The following TENM3 variants were observed in gnomAD, a reference collection of about 807,000 sequenced individuals.
TENM3 encodes the protein teneurin transmembrane protein 3.
TENM3 carries 63 observed loss-of-function variants against 255.1 expected under a neutral mutation model. The observed-to-expected ratio is 0.25, with a 90% CI of 0.20 to 0.30. The LOEUF (loss-of-function observed/expected upper bound fraction) is 0.30, where lower values mean the gene tolerates loss of function less well. TENM3 is among the 10% of genes least tolerant of loss of function. The pLI is 1.00. For synonymous variants in TENM3, 1,306 were observed against 1,322.3 expected (o/e 0.99, Z 0.27); for missense variants, 2,929 against 3,461.1 (o/e 0.85, Z 3.86).
the TENM3 span, among the ~76,000 whole-genome samples, chr4:181,494,179 A>G: frequency 6.6e-6 from 1 of 152,202 alleles, no homozygotes; most frequent in Admixed American, 6.5e-5. Flanking sequence ...AATATTTGCT[A>G]CTAATGACTT....
chr4:182,298,410 G>C (rs180851133), intron 1 of TENM3, among the ~76,000 whole-genome samples: 2 of 152,306 alleles, frequency 1.3e-5, no homozygotes, highest in Admixed American at 1.3e-4. Context: ...AATACAAAGA[G>C]TTGAACTGTT....
At chr4:182,392,041 T>C (rs965285388) in intron 3 of TENM3, among the ~76,000 whole-genome samples, 1 of 152,222 alleles carries the variant, frequency 6.6e-6, no homozygotes, top group Non-Finnish European at 1.5e-5. Flanking sequence ...TTTAGTTAAC[T>C]TTACTTATAA....
rs1289744680 is a variant in TENM3, at chr4:182,594,683, G to GGAGT, written c.512-6240_512-6239insAGTG. Among the ~76,000 whole-genome samples, 18 of 138,252 alleles carry GGAGT rather than the reference G, an allele frequency of 1.3e-4. 1 individual carries two copies. The highest frequency in any genetic ancestry group is 4.9e-4 in the South Asian group (2 of 4,098). The allele number at this position is 138,252 out of a possible 152,430, so 90.7% of individuals were successfully genotyped here. A position where few individuals can be genotyped will look rare whatever the true frequency, so the allele number is the denominator to read the frequency against. ...TTATTTCTTCCCTGTTTTTTGTTTT[G>GGAGT]GTGTGTGTGTGTGTGTGTGTGTGTG... On this transcript the variant is annotated intron_variant, in intron 3 of 27. Coordinates refer to ENST00000511685, the MANE Select transcript of TENM3 (RefSeq NM_001080477.4).
At chr4:182,469,988 G>A (rs2151444512) in intron 3 of TENM3, among the ~76,000 whole-genome samples, 1 of 152,248 alleles carries the variant, frequency 6.6e-6, no homozygotes, top group Non-Finnish European at 1.5e-5. Flanking sequence ...ATCCAGCGGG[G>A]ACAGGGCCAT....
intron 3 of TENM3, among the ~76,000 whole-genome samples, chr4:182,548,051 C>G (rs1372115579): frequency 1.3e-5 from 2 of 151,890 alleles, no homozygotes; most frequent in South Asian, 4.1e-4. Flanking sequence ...GACCCCATCT[C>G]TACAAAAATA....
chr4:181,992,667 A>G, the TENM3 span, among the ~76,000 whole-genome samples: 28,869 of 152,128 alleles, frequency 0.19, 2,859 homozygotes, highest in South Asian at 0.24. Context: ...TTTCTCAGGT[A>G]TATTTTGATC....
chr4:181,849,006 T>C, the TENM3 span, among the ~76,000 whole-genome samples: 1 of 152,196 alleles, frequency 6.6e-6, no homozygotes, highest in African/African-American at 2.4e-5. Flanking sequence ...TTTGTTTTTG[T>C]GAGCTACAGA....
chr4:181,882,751 G>T, the TENM3 span, among the ~76,000 whole-genome samples: 2 of 152,066 alleles, frequency 1.3e-5, no homozygotes, highest in African/African-American at 2.4e-5. Context: ...TAATAATTCC[G>T]CAGTCCACTC....
the TENM3 span, among the ~76,000 whole-genome samples, chr4:182,036,449 C>T: frequency 5.5e-3 from 839 of 151,824 alleles, 10 homozygotes; most frequent in African/African-American, 0.02. Flanking sequence ...CCTTGGCATC[C>T]CAAAGTGCTA....
At chr4:182,553,228 G>A (rs1742235869) in intron 3 of TENM3, among the ~76,000 whole-genome samples, 1 of 152,054 alleles carries the variant, frequency 6.6e-6, no homozygotes, top group South Asian at 2.1e-4. Context: ...CAGAGTAGCT[G>A]GGACTACAGG....
chr4:182,476,674 A>G (rs2151485509), intron 3 of TENM3, among the ~76,000 whole-genome samples: 1 of 152,304 alleles, frequency 6.6e-6, no homozygotes, highest in African/African-American at 2.4e-5. Flanking sequence ...CCTCTATATC[A>G]ACTGCAGAAG....
chr4:182,348,668 T>C (rs1210979258), intron 3 of TENM3, among the ~76,000 whole-genome samples: 3 of 152,196 alleles, frequency 2.0e-5, no homozygotes, highest in Admixed American at 2.0e-4. Flanking sequence ...CCTTTCTCTC[T>C]AATAACAAAG....
intron 13 of TENM3, among the ~76,000 whole-genome samples, chr4:182,728,495 A>G (rs1284265167): frequency 2.0e-5 from 3 of 152,232 alleles, no homozygotes; most frequent in Admixed American, 2.0e-4. Flanking sequence ...ATGAAGGCAG[A>G]TGCAAGTAGA....
At chr4:182,392,599 T>C (rs1768509269) in intron 3 of TENM3, among the ~76,000 whole-genome samples, 2 of 152,062 alleles carry the variant, frequency 1.3e-5, no homozygotes, top group Non-Finnish European at 2.9e-5. Flanking sequence ...CCCTGAGTTA[T>C]TGCCCATGTG....
the TENM3 span, among the ~76,000 whole-genome samples, chr4:181,669,783 C>A: frequency 6.6e-6 from 1 of 152,116 alleles, no homozygotes; most frequent in African/African-American, 2.4e-5. Context: ...TTGGGGTCCA[C>A]CGATGAAGCC....
the TENM3 span, among the ~76,000 whole-genome samples, chr4:182,127,378 G>A: frequency 1.3e-4 from 20 of 152,240 alleles, no homozygotes; most frequent in Admixed American, 1.3e-3. Context: ...TACAGCTTTG[G>A]TTATATTAAC....
chr4:182,562,643 T>C (rs72701952), intron 3 of TENM3, among the ~76,000 whole-genome samples: 17,124 of 152,182 alleles, frequency 0.11, 1,180 homozygotes, highest in Admixed American at 0.16. Flanking sequence ...CTGAACACCC[T>C]GCACAGCCAC....
chr4:182,428,255 A>C (rs896358076), intron 3 of TENM3, among the ~76,000 whole-genome samples: 4 of 152,158 alleles, frequency 2.6e-5, no homozygotes, highest in Non-Finnish European at 5.9e-5. Context: ...TTGGCAAAGA[A>C]AGAAAAAGCC....
Position 182,628,850 on chromosome 4 carries a change from G to T in TENM3, c.949G>T (p.Val317Phe), listed in dbSNP as rs774320702. Reference protein sequence around the residue: ...WKCTALCAVGVSVLLAILLSY... With the variant: ...WKCTALCAVGFSVLLAILLSY... ...ATGCACTGCACTGTGTGCCGTAGGG[G>T]TCTCGGTGCTCCTGGCAATACTCCT... The change falls in exon 5 of 28, where the codon GTC (valine) becomes TTC (phenylalanine). Residue 317 changes from valine to phenylalanine, a missense_variant. Physicochemically the swap from Val to Phe is conservative, Grantham distance 50. Transcript: ENST00000511685. The T allele has an allele frequency of 6.8e-6, 11 of 1,608,584 alleles. No individual in the cohort carries two copies. Among genetic ancestry groups the T allele is most frequent in the Middle Eastern group, 1.7e-4 (1 of 6,058 alleles).
Sources: allele counts gnomAD v4.1 joint callset (sites outside exome capture counted in the v4.1 genomes callset), GRCh38; gene constraint gnomAD v4.1.1; transcripts MANE v1.5; gene names NCBI Gene and HGNC (gene_info 2026-07-23, HGNC 2026-07-21).